Variants in DOCK4 observed in about 807,000 individuals in gnomAD.
DOCK4 encodes dedicator of cytokinesis 4, also known as dedicator of cytokinesis protein 4.
In DOCK4, 97 loss-of-function variants were observed where a neutral mutation model predicts 268.1. The ratio of observed to expected loss-of-function variants is 0.36; its 90% CI spans 0.31 to 0.43. The LOEUF (loss-of-function observed/expected upper bound fraction) is 0.43, where lower values mean the gene tolerates loss of function less well. Ranked by LOEUF, DOCK4 falls within the 20% of genes least tolerant of loss-of-function variation. The pLI is 1.00. For missense variants in DOCK4, 2,145 were observed against 2,455.7 expected, an observed-to-expected ratio of 0.87 and a Z score of 2.67; for synonymous variants, 954 against 887.2, an observed-to-expected ratio of 1.08 and a Z score of -1.34.
chr7:112,202,057 T>C (rs1041537339), intron 1 of DOCK4, among the ~76,000 whole-genome samples: 84 of 152,352 alleles, frequency 5.5e-4, no homozygotes, highest in African/African-American at 1.8e-3. Flanking sequence ...CCATTGTGTA[T>C]AGATACTACA....
chr7:112,151,654 C>T (rs567396200), intron 1 of DOCK4, among the ~76,000 whole-genome samples: 1 of 151,668 alleles, frequency 6.6e-6, no homozygotes, highest in East Asian at 1.9e-4. Context: ...TGAAGTTCTG[C>T]TATTGTGGGT....
At chr7:111,740,034 C>T (rs780204944) in intron 47 of DOCK4, 3 of 363,880 alleles carry the variant, frequency 8.2e-6, no homozygotes, top group South Asian at 3.8e-5. Context: ...AAAAAAAATA[C>T]CTTTGGAAAC....
At chr7:111,787,337 T>C (rs1356101098) in intron 32 of DOCK4, among the ~76,000 whole-genome samples, 4 of 152,168 alleles carry the variant, frequency 2.6e-5, no homozygotes, top group Non-Finnish European at 4.4e-5. Context: ...CTGCATGAGA[T>C]TTTAATCAGA....
chr7:112,000,938 C>T (rs887124099), intron 2 of DOCK4, among the ~76,000 whole-genome samples: 1 of 152,148 alleles, frequency 6.6e-6, no homozygotes, highest in African/African-American at 2.4e-5. Context: ...CAAGAATCTG[C>T]ACAAGATTTC....
chr7:111,825,125 T>C (rs565350187), intron 26 of DOCK4, among the ~76,000 whole-genome samples: 4 of 152,214 alleles, frequency 2.6e-5, no homozygotes, highest in East Asian at 1.9e-4. Context: ...AGGTCTCTTG[T>C]AGTTAGAGGA....
chr7:111,972,036 A>G (rs1430948794), intron 8 of DOCK4: 2 of 156,478 alleles, frequency 1.3e-5, no homozygotes, highest in Non-Finnish European at 2.8e-5. Context: ...CCACTTTGCT[A>G]TTCTTGAAGT....
intron 30 of DOCK4, among the ~76,000 whole-genome samples, chr7:111,803,313 C>G (rs1800438731): frequency 6.6e-6 from 1 of 152,198 alleles, no homozygotes; most frequent in Admixed American, 6.5e-5. Context: ...ACAGAACCAG[C>G]AAAGCAATTT....
intron 1 of DOCK4, among the ~76,000 whole-genome samples, chr7:112,189,756 T>TG (rs560350528): frequency 5.5e-5 from 8 of 145,824 alleles, no homozygotes; most frequent in South Asian, 2.2e-4. Context: ...GTTTTTTTTT[T>TG]TTTTTTTTTT....
At chr7:111,852,861 C>G (rs976372891) in intron 23 of DOCK4, among the ~76,000 whole-genome samples, 2 of 152,180 alleles carry the variant, frequency 1.3e-5, no homozygotes, top group African/African-American at 2.4e-5. Flanking sequence ...AAGAAAACAA[C>G]CAGGCCCATC....
At chr7:112,123,675 C>G (rs954041029) in intron 1 of DOCK4, among the ~76,000 whole-genome samples, 1 of 152,144 alleles carries the variant, frequency 6.6e-6, no homozygotes. Flanking sequence ...TTTCTACTAC[C>G]AACCCGTGTA....
chr7:112,033,584 T>C (rs1040606367), intron 1 of DOCK4, among the ~76,000 whole-genome samples: 1 of 152,250 alleles, frequency 6.6e-6, no homozygotes, highest in African/African-American at 2.4e-5. Flanking sequence ...ACTGTTTTCC[T>C]GACCTTTTCA....
chr7:112,010,720 C>T (rs1382074384), intron 1 of DOCK4, among the ~76,000 whole-genome samples: 1 of 152,200 alleles, frequency 6.6e-6, no homozygotes, highest in Admixed American at 6.5e-5. Flanking sequence ...ATTCTTATGC[C>T]AGTTATCACG....
intron 5 of DOCK4, among the ~76,000 whole-genome samples, chr7:111,990,806 C>T (rs1799462469): frequency 2.0e-5 from 3 of 152,162 alleles, no homozygotes; most frequent in Admixed American, 1.3e-4. Context: ...CCATGTCCTC[C>T]CTGTGGCTGT....
chr7:111,751,554 C>T (rs1369999060), intron 42 of DOCK4, among the ~76,000 whole-genome samples: 1 of 151,954 alleles, frequency 6.6e-6, no homozygotes, highest in African/African-American at 2.4e-5. Context: ...AAGCAATTCT[C>T]CTGCTTCAGC....
intron 8 of DOCK4, among the ~76,000 whole-genome samples, chr7:111,954,859 G>C (rs1796336901): frequency 6.6e-6 from 1 of 152,104 alleles, no homozygotes; most frequent in Non-Finnish European, 1.5e-5. Flanking sequence ...GATACAAAGA[G>C]CCTCGCACCA....
chr7:112,082,045 G>A (rs1808635726), intron 1 of DOCK4, among the ~76,000 whole-genome samples: 1 of 109,546 alleles, frequency 9.1e-6, no homozygotes, highest in African/African-American at 5.9e-5. Context: ...TACCTACGCT[G>A]GAGAGGCGTG....
In DOCK4 at chr7:111,790,594, G is replaced by A. The variant is rs774231687; in HGVS notation, c.3178C>T (p.Leu1060Phe). The part of the protein sequence containing the change: ...SMWQNLGEHK[L>F]HFIPALIGPF... ...CCAATCAGGGCAGGGATAAAATGAA[G>A]CTTGTGCTCTCCTAAAGTGAGAAAA... Residue 1060 changes from leucine to phenylalanine, a missense_variant, in exon 31 of 53, where the codon CTT becomes TTT. By Grantham distance (22) the Leu-to-Phe change is conservative. Coordinates refer to ENST00000428084, the MANE Select transcript of DOCK4 (RefSeq NM_001363540.2). The A allele has an allele frequency of 6.2e-7, 1 of 1,612,078 alleles. No homozygotes were observed. The highest frequency in any genetic ancestry group is 1.7e-5 in the Admixed American group (1 of 59,588).
chr7:112,170,673 A>C (rs937787281), intron 1 of DOCK4, among the ~76,000 whole-genome samples: 2 of 152,196 alleles, frequency 1.3e-5, no homozygotes, highest in African/African-American at 4.8e-5. Flanking sequence ...AATTTTCTTT[A>C]AAAATATTCT....
chr7:112,118,399 T>G (rs1812377928), intron 1 of DOCK4, among the ~76,000 whole-genome samples: 1 of 152,164 alleles, frequency 6.6e-6, no homozygotes, highest in Admixed American at 6.5e-5. Flanking sequence ...GGCAAGATGA[T>G]GATAAAGTAA....
Sources: allele counts gnomAD v4.1 joint callset (sites outside exome capture counted in the v4.1 genomes callset), GRCh38; gene constraint gnomAD v4.1.1; transcripts MANE v1.5; gene names NCBI Gene and HGNC (gene_info 2026-07-23, HGNC 2026-07-21).